Variants in GPR162 observed in about 807,000 individuals in gnomAD.
GPR162 encodes the protein probable G protein-coupled receptor 162.
In GPR162, 26 loss-of-function variants were observed where a neutral mutation model predicts 44.9. The ratio of observed to expected loss-of-function variants is 0.58; its 90% CI spans 0.42 to 0.80. The LOEUF (loss-of-function observed/expected upper bound fraction) is 0.80, where lower values mean the gene tolerates loss of function less well. Among genes scored for constraint, GPR162 ranks in the 30% least tolerant of loss-of-function variants. The pLI is 0.00. For missense variants in GPR162, 704 were observed against 802.3 expected (o/e 0.88, Z 1.48); for synonymous variants, 363 against 335.2 (o/e 1.08, Z -0.91).
rs376675662 is a variant in GPR162 at position 6,824,604 on chromosome 12, C to T, written c.706C>T (p.Arg236Trp). ...GGGTGGGCCAGGGGCCTTGGGTACCCGGCCAGCTTTTGAGGTACCAGCCAT... is the reference window on the plus strand; with the variant it reads ...GGGTGGGCCAGGGGCCTTGGGTACCTGGCCAGCTTTTGAGGTACCAGCCAT... The part of the protein sequence containing the change: ...KAGGPGALGT[R>W]PAFEVPAIVV... The change falls in exon 2 of 5, where the codon CGG becomes TGG. Residue 236 changes from arginine (R) to tryptophan (W), a missense_variant. Around this residue, in one of 6 missense-constraint regions of GPR162, gnomAD observed 56 missense variants for 47.2 expected, o/e 1.19. Coordinates refer to ENST00000311268, the MANE Select transcript of GPR162 (RefSeq NM_019858.2). The T allele has an allele frequency of 1.4e-5, 23 of 1,610,698 alleles. No individual in the cohort carries two copies. Among genetic ancestry groups the T allele is most frequent in the Admixed American group, 1.2e-4 (7 of 59,754 alleles).
In GPR162 at chr12:6,826,340, T is replaced by C; in HGVS notation, c.1202T>C (p.Val401Ala). ...ATGCTCTTCCCTCCTCTTGAGAGAG[T>C]CCACTACTTACAGGTATGGAACTGG... The part of the protein sequence containing the change: ...RHMLFPPLER[V>A]HYLQVPLSRR... Residue 401 changes from valine to alanine, a missense_variant, in exon 4 of 5, where the codon GTC (valine) becomes GCC (alanine). By Grantham distance (64) the Val-to-Ala change is moderately conservative. Coordinates refer to ENST00000311268, the MANE Select transcript of GPR162 (RefSeq NM_019858.2). 3 of 1,612,684 alleles carry C rather than the reference T, an allele frequency of 1.9e-6. No homozygotes were observed. Among genetic ancestry groups the C allele is most frequent in the Non-Finnish European group, 2.5e-6 (3 of 1,179,650 alleles).
At chr12:6,825,423 TG>T in intron 2 of GPR162, 60 bp from the exon 3 acceptor site, 1 of 1,014,272 alleles carries the variant, frequency 9.9e-7, no homozygotes. Context: ...CACTAGGATA[TG>T]GGGTTCAGGT....
At chr12:6,826,546 G>T (rs556484028) in intron 4 of GPR162, 107 bp from the exon 5 acceptor site, 2 of 1,183,846 alleles carry the variant, frequency 1.7e-6, no homozygotes, top group Non-Finnish European at 2.4e-6. Context: ...CGGAGCAAAC[G>T]TTTTGAAGGT....
Position 6,826,267 on chromosome 12 carries a change from C to T in GPR162, c.1129C>T (p.Pro377Ser). 1.2e-6 allele frequency: 2 copies of T among 1,613,942 alleles called. No homozygotes were observed. The highest frequency in any genetic ancestry group is 1.1e-5 in the South Asian group (1 of 91,086). ...VRFDANGATG[P>S]GSRDPAQVKL... ...CTTTGATGCTAACGGAGCCACAGGA[C>T]CAGGGAGCCGGGACCCCGCCCAGGT... The change falls in exon 4 of 5, where the codon CCA becomes TCA. Residue 377 changes from proline to serine, a missense_variant. By Grantham distance (74) the Pro-to-Ser change is moderately conservative. This residue lies in a region of GPR162 where 404 missense variants were observed against 314.1 expected (regional missense o/e 1.29). Coordinates refer to ENST00000311268, the MANE Select transcript of GPR162 (RefSeq NM_019858.2).
rs782238146 is a variant in GPR162, at chr12:6,826,268, C to A, written c.1130C>A (p.Pro377Gln). ...TTTGATGCTAACGGAGCCACAGGAC[C>A]AGGGAGCCGGGACCCCGCCCAGGTG... ...VRFDANGATGPGSRDPAQVKL... is the reference protein window; with the variant it reads ...VRFDANGATGQGSRDPAQVKL... Residue 377 changes from proline to glutamine, a missense_variant, in exon 4 of 5, where the codon CCA becomes CAA. Pro to Gln is a moderately conservative substitution (Grantham distance 76). Transcript: ENST00000311268. The A allele has an allele frequency of 6.2e-7, 1 of 1,613,962 alleles. No homozygotes were observed. Among genetic ancestry groups the A allele is most frequent in the East Asian group, 2.2e-5 (1 of 44,876 alleles).
In GPR162 at chr12:6,825,524, C is replaced by G. The variant is rs369299686; in HGVS notation, c.908C>G (p.Pro303Arg). The part of the protein sequence containing the change: ...FFSLKSDSAP[P>R]WMVLAVLWCS... Reference sequence around the variant, plus strand: ...TCCCTCAAGTCGGACTCGGCGCCCCCCTGGATGGTGCTGGCTGTGCTGTGG... The same window carrying G: ...TCCCTCAAGTCGGACTCGGCGCCCCGCTGGATGGTGCTGGCTGTGCTGTGG... Residue 303 changes from proline (P) to arginine (R), a missense_variant, in exon 3 of 5, where the codon CCC (proline) becomes CGC (arginine). Transcript: ENST00000311268. 6.2e-7 allele frequency: 1 copy of G among 1,612,146 alleles called. No individual in the cohort carries two copies. The highest frequency in any genetic ancestry group is 8.5e-7 in the Non-Finnish European group (1 of 1,179,462).
rs372529728 is a variant in GPR162 at position 6,823,075 on chromosome 12, G to A, written c.-431-393G>A. ...AGGAAGGCTGTGATGCCATATCCCA[G>A]TTCACTGTGAACCCTCAAGAGGAAA... On this transcript the variant is annotated intron_variant, in intron 1 of 4. Transcript: ENST00000311268. Among the ~76,000 whole-genome samples, 14 of 152,356 alleles carry A rather than the reference G, an allele frequency of 9.2e-5. No individual in the cohort carries two copies. The East Asian group carries it at 2.1e-3, about 23-fold the overall frequency.
Position 6,822,375 on chromosome 12 carries a change from G to A in GPR162, c.-432+475G>A, listed in dbSNP as rs1020336277. 1.4e-4 allele frequency among the ~76,000 whole-genome samples: 21 copies of A among 152,192 alleles called. No individual in the cohort carries two copies. Among genetic ancestry groups the A allele is most frequent in the Non-Finnish European group, 2.9e-4 (20 of 68,030 alleles). On this transcript the variant is annotated intron_variant, in intron 1 of 4. Coordinates refer to ENST00000311268, the MANE Select transcript of GPR162 (RefSeq NM_019858.2). This position sits in a 1 kb window ranked among gnomAD's most constrained non-coding sequence, Gnocchi z 4.2. ...ACTGGGCTCCGGAGGGAAGCCAAGG[G>A]TGGGGGTGGACCAGGACCTCTTGGG...
intron 2 of GPR162, chr12:6,825,187 C>T (rs1555119821): frequency 3.7e-6 from 2 of 545,150 alleles, no homozygotes; most frequent in African/African-American, 1.9e-5. Flanking sequence ...CAGGGCTCAC[C>T]CCACCACCCC....
At position 6,827,101 on chromosome 12, in the gene GPR162, G is replaced by A. The variant is rs782325721; in HGVS notation, c.1664G>A (p.Ser555Asn). 41 of 1,613,268 alleles carry A rather than the reference G, an allele frequency of 2.5e-5. No individual in the cohort carries two copies. The highest frequency in any genetic ancestry group is 3.3e-5 in the Non-Finnish European group (39 of 1,179,984). Reference protein sequence around the residue: ...SRAVGLPLGLSAGRRCSLTGG... With the variant: ...SRAVGLPLGLNAGRRCSLTGG... ...GCCGTTGGACTTCCTTTGGGACTAA[G>A]CGCAGGGAGACGCTGCTCCCTGACG... Residue 555 changes from serine to asparagine, a missense_variant, in exon 5 of 5, where the codon AGC becomes AAC. Ser to Asn is a conservative substitution (Grantham distance 46, BLOSUM62 1). This residue lies in a region of GPR162 where 404 missense variants were observed against 314.1 expected (regional missense o/e 1.29). Transcript: ENST00000311268.
In GPR162 at chr12:6,826,950, A is replaced by G. The variant is rs1943369713; in HGVS notation, c.1513A>G (p.Ile505Val). The G allele has an allele frequency of 5.0e-6, 8 of 1,613,206 alleles. No homozygotes were observed. In the Middle Eastern group the frequency reaches 6.6e-4, roughly 133 times the overall value. Residue 505 changes from isoleucine (I) to valine (V), a missense_variant, in exon 5 of 5, where the codon ATC becomes GTC. Physicochemically the swap from Ile to Val is conservative, Grantham distance 29 (BLOSUM62 3). Coordinates refer to ENST00000311268, the MANE Select transcript of GPR162 (RefSeq NM_019858.2). Reference sequence around the variant, plus strand: ...GGGTCCTGGCTTCTTCCGGGAGGAGATCACCACCTTCATCGATGAGACACC... The same window carrying G: ...GGGTCCTGGCTTCTTCCGGGAGGAGGTCACCACCTTCATCGATGAGACACC... ...PRGPGFFREE[I>V]TTFIDETPLP...
chr12:6,823,817 GGAGTGTTTGT>G lies in GPR162; in HGVS notation c.-76_-67del. ...CAGGGCGAGGATTGTGGGGATCATG[GGAGTGTTTGT>G]GAGTGGGGCTCCTGGGTGAGACCTA... On this transcript the variant is annotated 5_prime_UTR_variant, in exon 2 of 5. The change abolishes the stop of an existing upstream ORF in the 5' untranslated region. Coordinates refer to ENST00000311268, the MANE Select transcript of GPR162 (RefSeq NM_019858.2). 2 of 1,606,832 alleles carry G rather than the reference GGAGTGTTTGT, an allele frequency of 1.2e-6. No homozygotes were observed. The highest frequency in any genetic ancestry group is 1.7e-6 in the Non-Finnish European group (2 of 1,175,902).
In GPR162 at chr12:6,827,174, C is replaced by T. The variant is rs782155194; in HGVS notation, c.1737C>T (p.Gly579=). Residue 579 remains glycine (G), a synonymous_variant, in exon 5 of 5, where the codon GGC becomes GGT. Transcript: ENST00000311268. Reference sequence around the variant, plus strand: ...CTTGGGGAGGATCCTGGGGCCCAGGCAACCCCATCTTTCCCCAGCTGACCC... The same window carrying T: ...CTTGGGGAGGATCCTGGGGCCCAGGTAACCCCATCTTTCCCCAGCTGACCC... ...ARAWGGSWGP[G]NPIFPQLTL 7.4e-6 allele frequency: 12 copies of T among 1,611,196 alleles called. No homozygotes were observed. In the African/African-American group the frequency reaches 1.5e-4, roughly 20 times the overall value.
chr12:6,825,707 A>T (rs963458003), intron 3 of GPR162, 34 bp downstream of exon 3: 1 of 1,519,512 alleles, frequency 6.6e-7, no homozygotes, highest in South Asian at 1.2e-5. Flanking sequence ...GCTTTCCTGG[A>T]CATCTGTCTA....
At chr12:6,825,730 C>T (rs1943345631) in intron 3 of GPR162, 57 bp downstream of exon 3, 1 of 1,434,688 alleles carries the variant, frequency 7.0e-7, no homozygotes, top group Non-Finnish European at 9.6e-7. Context: ...CCCTTTTCTG[C>T]CGCTCCTTCT....
intron 4 of GPR162, 117 bp from the exon 5 acceptor site, chr12:6,826,536 C>A: frequency 8.8e-7 from 1 of 1,133,094 alleles, no homozygotes. Flanking sequence ...GTTTGCCCAC[C>A]GGAGCAAACG....
chr12:6,826,488 T>C (rs1408785182), intron 4 of GPR162, 135 bp downstream of exon 4: 8 of 1,092,452 alleles, frequency 7.3e-6, no homozygotes, highest in Middle Eastern at 2.3e-4. Flanking sequence ...AAGAAAGCTA[T>C]AGCAAGAGAG....
chr12:6,822,037 G>C lies in GPR162; in HGVS notation c.-432+137G>C, dbSNP rs1383093499. On this transcript the variant is annotated intron_variant, in intron 1 of 4. Transcript: ENST00000311268. This position sits in a 1 kb window ranked among gnomAD's most constrained non-coding sequence, Gnocchi z 4.2. Reference sequence around the variant, plus strand: ...TGGAGAACCTGGAGGGGGACAGGAGGGAGGAGCCGCCTGACCTTACCCCTT... The same window carrying C: ...TGGAGAACCTGGAGGGGGACAGGAGCGAGGAGCCGCCTGACCTTACCCCTT... The C allele has an allele frequency of 1.3e-5, 2 of 152,616 alleles. No individual in the cohort carries two copies. Among genetic ancestry groups the C allele is most frequent in the East Asian group, 3.9e-4 (2 of 5,174 alleles). The allele number at this position is 152,616 out of a possible 1,614,324, so 9.5% of individuals were successfully genotyped here. A position where few individuals can be genotyped will look rare whatever the true frequency, so the allele number is the denominator to read the frequency against.
rs781887990 is a variant in GPR162 at position 6,827,121 on chromosome 12, C to A, written c.1684C>A (p.Leu562Met). 6.8e-6 allele frequency: 11 copies of A among 1,612,932 alleles called. No individual in the cohort carries two copies. In the South Asian group the frequency reaches 1.2e-4, roughly 18 times the overall value. Residue 562 changes from leucine to methionine, a missense_variant, in exon 5 of 5, where the codon CTG becomes ATG. Physicochemically the swap from Leu to Met is conservative, Grantham distance 15. Transcript: ENST00000311268. ...ACTAAGCGCAGGGAGACGCTGCTCC[C>A]TGACGGGGGGTGAAGAAAGTGCAAG... The part of the protein sequence containing the change: ...LGLSAGRRCS[L>M]TGGEESARAW...
Sources: allele counts gnomAD v4.1 joint callset (sites outside exome capture counted in the v4.1 genomes callset), GRCh38; gene constraint gnomAD v4.1.1; regional missense constraint gnomAD v4.1.1; non-coding constraint Gnocchi (gnomAD v3.1); transcripts MANE v1.5; gene names NCBI Gene and HGNC (gene_info 2026-07-23, HGNC 2026-07-21).